Variants in MCF2 observed in about 807,000 individuals in gnomAD.
MCF2 encodes proto-oncogene DBL.
In MCF2, 44 loss-of-function variants were observed where a neutral mutation model predicts 82.5. The ratio of observed to expected loss-of-function variants is 0.53; its 90% CI spans 0.42 to 0.69. MCF2 has a LOEUF of 0.69. Among genes scored for constraint, MCF2 ranks in the 30% least tolerant of loss-of-function variants. The pLI is 0.00. For synonymous variants in MCF2, 217 were observed against 224.9 expected, an observed-to-expected ratio of 0.96 and a Z score of 0.32; for missense variants, 623 against 663.1, an observed-to-expected ratio of 0.94 and a Z score of 0.66.
chrX:139,611,415 T>C (rs1376099204), intron 10 of MCF2, among the ~76,000 whole-genome samples: 1 of 112,245 alleles, frequency 8.9e-6, no homozygotes, highest in Non-Finnish European at 1.9e-5. Flanking sequence ...ATGCTCCACT[T>C]CAAAGAAACC....
At chrX:139,616,245 T>C in intron 9 of MCF2, 37 bp downstream of exon 12, 2 of 869,254 alleles carry the variant, frequency 2.3e-6, no homozygotes, top group Non-Finnish European at 3.0e-6. Flanking sequence ...ATTATAATTT[T>C]CTTTAAATAT....
intron 1 of MCF2, among the ~76,000 whole-genome samples, chrX:139,706,066 A>T (rs1388975401): frequency 1.8e-5 from 2 of 112,681 alleles, no homozygotes; most frequent in African/African-American, 6.5e-5. Flanking sequence ...AAAAAACAAC[A>T]GATGCTGGCT....
chrX:139,644,866 G>T (rs1458846886), upstream of MCF2, among the ~76,000 whole-genome samples: 1 of 112,071 alleles, frequency 8.9e-6, no homozygotes, highest in Non-Finnish European at 1.9e-5. Flanking sequence ...CCCATATCTT[G>T]CCAGCTCAGA....
intron 6 of MCF2, among the ~76,000 whole-genome samples, chrX:139,623,453 T>A (rs896862113): frequency 2.7e-5 from 3 of 111,683 alleles, no homozygotes; most frequent in African/African-American, 9.8e-5. Context: ...GAGGCCATTA[T>A]CCTAAGCAAA....
intron 1 of MCF2, among the ~76,000 whole-genome samples, chrX:139,684,148 C>A (rs1854735612): frequency 9.0e-6 from 1 of 111,698 alleles, no homozygotes; most frequent in Non-Finnish European, 1.9e-5. Flanking sequence ...GAGGAAAAGC[C>A]CAATCTTAAA....
intron 1 of MCF2, among the ~76,000 whole-genome samples, chrX:139,697,630 G>A (rs901306794): frequency 8.9e-6 from 1 of 111,955 alleles, no homozygotes; most frequent in Admixed American, 9.5e-5. Context: ...AGCCCAAAGA[G>A]ATTGGTCAAT....
chrX:139,662,627 A>G (rs1934387675), intron 1 of MCF2, among the ~76,000 whole-genome samples: 1 of 111,153 alleles, frequency 9.0e-6, no homozygotes, highest in Non-Finnish European at 1.9e-5. Flanking sequence ...ACATGTATAT[A>G]ATGTGTAGGG....
At chrX:139,707,891 G>C (rs1935621143) in intron 1 of MCF2, among the ~76,000 whole-genome samples, 1 of 111,922 alleles carries the variant, frequency 8.9e-6, no homozygotes, top group African/African-American at 3.2e-5. Context: ...GCAGGCTATT[G>C]CGGTCTGTAT....
chrX:139,629,672 T>C, intron 4 of MCF2, 23 bp downstream of exon 7: 1 of 1,198,526 alleles, frequency 8.3e-7, no homozygotes, highest in South Asian at 1.8e-5. Flanking sequence ...AAATCTTTTG[T>C]TTGTCAACTC....
At position 139,697,540 on chromosome X, in the gene MCF2, G is replaced by A. The variant is rs923842058; in HGVS notation, c.-45+10566C>T. ...TAATCTAACTCCAGATTGGCATCAT[G>A]GAGGCTTCTTAGATGTATGTAAAAA... On this transcript the variant is annotated intron_variant, in intron 1 of 27. Transcript: ENST00000414978. Among the ~76,000 whole-genome samples, 5 of 111,913 alleles carry A rather than the reference G, an allele frequency of 4.5e-5. No individual in the cohort carries two copies. The East Asian group carries it at 1.1e-3, about 25-fold the overall frequency.
chrX:139,667,270 CTTATT>C (rs747514254), intron 1 of MCF2, among the ~76,000 whole-genome samples: 1 of 105,700 alleles, frequency 9.5e-6, no homozygotes, highest in South Asian at 4.3e-4. Flanking sequence ...CCATGCTTGG[CTTATT>C]TTATTTTATT....
At chrX:139,687,682 A>G (rs1935158779) in intron 1 of MCF2, among the ~76,000 whole-genome samples, 1 of 112,770 alleles carries the variant, frequency 8.9e-6, no homozygotes, top group East Asian at 2.8e-4. Context: ...ATAGATTCTG[A>G]ACACACTTGT....
chrX:139,703,261 G>A (rs1021309409), intron 1 of MCF2, among the ~76,000 whole-genome samples: 3 of 111,759 alleles, frequency 2.7e-5, no homozygotes, highest in African/African-American at 6.5e-5. Context: ...AGTGAGTGTA[G>A]GAAATTTGAG....
intron 1 of MCF2, among the ~76,000 whole-genome samples, chrX:139,694,414 A>C (rs899065700): frequency 9.1e-6 from 1 of 110,108 alleles, no homozygotes; most frequent in African/African-American, 3.3e-5. Flanking sequence ...TGAAAAAAAA[A>C]AAAAACAAAG....
At chrX:139,659,959 TGATATTAAAA>T (rs1934312327) in intron 1 of MCF2, among the ~76,000 whole-genome samples, 1 of 111,866 alleles carries the variant, frequency 8.9e-6, no homozygotes, top group Non-Finnish European at 1.9e-5. Context: ...CCTCCAGGGT[TGATATTAAAA>T]CACTTATCTT....
At chrX:139,671,395 A>G (rs1465133807) in intron 1 of MCF2, among the ~76,000 whole-genome samples, 1 of 111,570 alleles carries the variant, frequency 9.0e-6, no homozygotes, top group Non-Finnish European at 1.9e-5. Context: ...GCCCATGCCT[A>G]TGTCCTGAAT....
intron 1 of MCF2, among the ~76,000 whole-genome samples, chrX:139,701,683 T>A (rs1935501499): frequency 8.9e-6 from 1 of 112,569 alleles, no homozygotes; most frequent in Admixed American, 9.4e-5. Flanking sequence ...TCTCTGCCTC[T>A]GTGTGTCTCA....
chrX:139,685,631 C>A (rs1448458951), intron 1 of MCF2, among the ~76,000 whole-genome samples: 1 of 110,889 alleles, frequency 9.0e-6, no homozygotes, highest in Non-Finnish European at 1.9e-5. Context: ...GCCCATGCTC[C>A]CAGCCGAATA....
chrX:139,593,832 T>C (rs1205447700), intron 19 of MCF2, among the ~76,000 whole-genome samples: 3 of 111,081 alleles, frequency 2.7e-5, no homozygotes, highest in Non-Finnish European at 5.7e-5. Context: ...AACCCCATTG[T>C]CTCAGCCCAA....
Sources: allele counts gnomAD v4.1 joint callset (sites outside exome capture counted in the v4.1 genomes callset), GRCh38; gene constraint gnomAD v4.1.1; transcripts MANE v1.5; gene names NCBI Gene and HGNC (gene_info 2026-07-23, HGNC 2026-07-21).